The following NCOR2 variants were observed in gnomAD, a reference collection of about 807,000 sequenced individuals.
NCOR2 encodes CTG repeat protein 26.
In NCOR2, 81 loss-of-function variants were observed where a neutral mutation model predicts 262.9. That is an observed-to-expected ratio of 0.31 (90% CI 0.26 to 0.37). NCOR2 has a LOEUF of 0.37. Ranked by LOEUF, NCOR2 falls within the 10% of genes least tolerant of loss-of-function variation. The probability of loss-of-function intolerance (pLI) is 1.00; values close to 1 mark genes in which losing one functional copy is unlikely to be tolerated. For missense variants in NCOR2, 3,385 were observed against 3,621.4 expected (o/e 0.93, Z 1.68); for synonymous variants, 1,659 against 1,559.3 (o/e 1.06, Z -1.51).
At chr12:124,367,055 G>C (rs899888287) in intron 20 of NCOR2, among the ~76,000 whole-genome samples, 3 of 152,190 alleles carry the variant, frequency 2.0e-5, no homozygotes, top group African/African-American at 7.2e-5. Flanking sequence ...TAATTCTATA[G>C]AGATAAAAAT....
At chr12:124,541,817 GT>G (rs2051368232) in intron 1 of NCOR2, among the ~76,000 whole-genome samples, 2 of 12,962 alleles carry the variant, frequency 1.5e-4, no homozygotes, top group Non-Finnish European at 2.1e-4. Flanking sequence ...GGGATGGGGA[GT>G]GGAGATGGAG....
intron 3 of NCOR2, among the ~76,000 whole-genome samples, chr12:124,477,072 C>G (rs114162417): frequency 6.6e-6 from 1 of 151,844 alleles, no homozygotes; most frequent in East Asian, 1.9e-4. Context: ...GACAGTGATT[C>G]GTGGTTGCCA....
At chr12:124,508,995 G>A (rs2049217032) in intron 1 of NCOR2, among the ~76,000 whole-genome samples, 1 of 152,038 alleles carries the variant, frequency 6.6e-6, no homozygotes, top group Non-Finnish European at 1.5e-5. Flanking sequence ...ACTCATCGGC[G>A]CCACCTGCTC....
chr12:124,385,636 T>C, intron 17 of NCOR2, 109 bp downstream of exon 19: 18 of 1,468,954 alleles, frequency 1.2e-5, no homozygotes, highest in Non-Finnish European at 1.6e-5. Context: ...GGCGGCATAA[T>C]AGCCCCTCCC....
chr12:124,381,036 C>A (rs757854411), intron 17 of NCOR2, among the ~76,000 whole-genome samples: 2 of 152,162 alleles, frequency 1.3e-5, no homozygotes, highest in African/African-American at 2.4e-5. Flanking sequence ...ACCTGCACAG[C>A]TGCTCTGCAA....
At chr12:124,415,566 C>T (rs2042815227) in intron 13 of NCOR2, among the ~76,000 whole-genome samples, 1 of 152,232 alleles carries the variant, frequency 6.6e-6, no homozygotes, top group Non-Finnish European at 1.5e-5. Context: ...CGCAGCTGAT[C>T]CGAGGAAGGG....
intron 30 of NCOR2, 21 bp from the exon 33 acceptor site, chr12:124,346,871 A>T: frequency 6.5e-7 from 1 of 1,527,660 alleles, no homozygotes; most frequent in Non-Finnish European, 8.8e-7. Flanking sequence ...GACAGCACTG[A>T]CCCTCACGCC....
At chr12:124,393,852 T>C (rs995453845) in intron 16 of NCOR2, among the ~76,000 whole-genome samples, 4 of 152,274 alleles carry the variant, frequency 2.6e-5, no homozygotes, top group Non-Finnish European at 5.9e-5. Context: ...CTTCCAGCAG[T>C]GCCCAGCACG....
At chr12:124,359,773 A>C (rs1747584024) in intron 22 of NCOR2, among the ~76,000 whole-genome samples, 1 of 152,198 alleles carries the variant, frequency 6.6e-6, no homozygotes, top group Non-Finnish European at 1.5e-5. Flanking sequence ...CTGTTCCTCC[A>C]GTTGGGCCCA....
chr12:124,362,115 T>C lies in NCOR2; in HGVS notation c.3100+11A>G. The C allele has an allele frequency of 1.5e-6, 2 of 1,294,328 alleles. No individual in the cohort carries two copies. The highest frequency in any genetic ancestry group is 2.0e-6 in the Non-Finnish European group (2 of 1,021,562). 80.2% of individuals were successfully genotyped at this position (1,294,328 alleles called of 1,614,324 possible). A position where few individuals can be genotyped will look rare whatever the true frequency, so the allele number is the denominator to read the frequency against. ...TGCCCCAGCCCCACTCAGCCACTGG[T>C]GTGCACTCACCCTCCTTGTCGGCGG... On this transcript the variant is annotated intron_variant, in intron 22 of 46. Coordinates refer to ENST00000405201, the Ensembl canonical transcript of NCOR2.
chr12:124,472,910 A>T, intron 4 of NCOR2, 42 bp downstream of exon 6: 1 of 1,608,526 alleles, frequency 6.2e-7, no homozygotes, highest in Non-Finnish European at 8.5e-7. Flanking sequence ...GCTAGAATGG[A>T]GACTCAGAAC....
intron 3 of NCOR2, among the ~76,000 whole-genome samples, chr12:124,476,739 C>G (rs1330596189): frequency 6.6e-6 from 1 of 152,058 alleles, no homozygotes; most frequent in African/African-American, 2.4e-5. Context: ...TTATTCGCAG[C>G]AAAATTGCAC....
intron 18 of NCOR2, among the ~76,000 whole-genome samples, chr12:124,376,632 G>GAGTC (rs1249686131): frequency 2.0e-5 from 3 of 152,212 alleles, no homozygotes; most frequent in Admixed American, 2.0e-4. Flanking sequence ...AACTTGAGAT[G>GAGTC]AGTCACCCAA....
At position 124,495,131 on chromosome 12, in the gene NCOR2, A is replaced by G. The variant is rs2048317564; in HGVS notation, c.105+16T>C. 1 of 1,613,078 alleles carries G rather than the reference A, an allele frequency of 6.2e-7. No homozygotes were observed. The highest frequency in any genetic ancestry group is 1.7e-4 in the Middle Eastern group (1 of 6,052). The stretch of plus-strand genomic sequence containing the variant: ...CTCAAAGGTAGCCCCAGGCGCACAC[A>G]TGTGCACCCCCTTACCGTGTGCGTC... On this transcript the variant is annotated intron_variant, in intron 1 of 46. Coordinates refer to ENST00000405201, the Ensembl canonical transcript of NCOR2. This position sits in a 1 kb window ranked among gnomAD's most constrained non-coding sequence, Gnocchi z 4.4.
chr12:124,369,396 A>AG (rs1334549697), intron 20 of NCOR2, among the ~76,000 whole-genome samples: 1 of 152,036 alleles, frequency 6.6e-6, no homozygotes, highest in Non-Finnish European at 1.5e-5. Flanking sequence ...CCAGGAACAC[A>AG]GAGCTCCCCC....
rs546206957 is a variant in NCOR2, at chr12:124,336,742, G to A, written c.6115+11C>T. Reference sequence around the variant, plus strand: ...CGTCTATGAAGGTGGCCGCTGTCAGGGTGGTCTTACCCAGAGAACGGAGTT... The same window carrying A: ...CGTCTATGAAGGTGGCCGCTGTCAGAGTGGTCTTACCCAGAGAACGGAGTT... On this transcript the variant is annotated intron_variant, in intron 38 of 46. Coordinates refer to ENST00000405201, the Ensembl canonical transcript of NCOR2. 10 of 1,612,268 alleles carry A rather than the reference G, an allele frequency of 6.2e-6. No individual in the cohort carries two copies. The East Asian group carries it at 1.8e-4, about 29-fold the overall frequency.
At chr12:124,508,281 C>T (rs938358674) in intron 1 of NCOR2, among the ~76,000 whole-genome samples, 3 of 152,376 alleles carry the variant, frequency 2.0e-5, no homozygotes, top group African/African-American at 7.2e-5. Flanking sequence ...CATTCAATTA[C>T]CCCAGGGGCA....
At chr12:124,374,571 G>A (rs2039838657) in intron 18 of NCOR2, 108 bp from the exon 21 acceptor site, 1 of 1,028,850 alleles carries the variant, frequency 9.7e-7, no homozygotes, top group East Asian at 2.6e-5. Context: ...GCACAGCAGT[G>A]AGGCCTCGCT....
At chr12:124,406,066 T>C (rs1357698160) in intron 13 of NCOR2, among the ~76,000 whole-genome samples, 1 of 152,226 alleles carries the variant, frequency 6.6e-6, no homozygotes, top group African/African-American at 2.4e-5. Context: ...GTTATCCCGA[T>C]GGGCAGCCAG....
Sources: allele counts gnomAD v4.1 joint callset (sites outside exome capture counted in the v4.1 genomes callset), GRCh38; gene constraint gnomAD v4.1.1; non-coding constraint Gnocchi (gnomAD v3.1); transcripts MANE v1.5; gene names NCBI Gene and HGNC (gene_info 2026-07-23, HGNC 2026-07-21).